Variants in DLGAP2 observed in about 807,000 individuals in gnomAD.
The protein encoded by DLGAP2 is DLG associated protein 2.
A neutral mutation model predicts 100.3 loss-of-function variants in DLGAP2; 26 were observed. The observed-to-expected ratio is 0.26, with a 90% CI of 0.19 to 0.36. The LOEUF (loss-of-function observed/expected upper bound fraction) is 0.36. DLGAP2 is among the 10% of genes least tolerant of loss of function. DLGAP2 has a pLI of 1.00. For missense variants in DLGAP2, 1,858 were observed against 1,453.2 expected (o/e 1.28, Z -4.53); for synonymous variants, 886 against 630.1 (o/e 1.41, Z -6.08).
chr8:1,160,315 A>G (rs1796865671), intron 2 of DLGAP2, among the ~76,000 whole-genome samples: 1 of 152,204 alleles, frequency 6.6e-6, no homozygotes, highest in South Asian at 2.1e-4. Context: ...GTGCCTGGTT[A>G]GCAGGGTCCT....
chr8:1,113,470 G>C (rs1805022948), intron 2 of DLGAP2, among the ~76,000 whole-genome samples: 1 of 152,140 alleles, frequency 6.6e-6, no homozygotes, highest in Non-Finnish European at 1.5e-5. Flanking sequence ...AGTTGTGAAT[G>C]TAATTACCTT....
intron 10 of DLGAP2, among the ~76,000 whole-genome samples, chr8:1,672,919 C>A (rs1430102124): frequency 1.3e-5 from 2 of 152,060 alleles, no homozygotes; most frequent in African/African-American, 2.4e-5. Context: ...CAGATTGGCA[C>A]CCTGGCCCAG....
chr8:1,318,120 TACACTCGAGACACTCGTCAGCG>T (rs1324719429), intron 3 of DLGAP2, among the ~76,000 whole-genome samples: 1 of 97,000 alleles, frequency 1.0e-5, no homozygotes, highest in African/African-American at 3.9e-5. Context: ...AACAGTGGTC[TACACTCGAGACACTCGTCAGCG>T]TTTAAAAATA....
chr8:819,885 G>A (rs569035810), intron 1 of DLGAP2, among the ~76,000 whole-genome samples: 40 of 152,272 alleles, frequency 2.6e-4, no homozygotes, highest in African/African-American at 9.1e-4. Context: ...ATTTCCATGC[G>A]AACCCTTTCC....
chr8:1,504,337 TTG>T (rs1175171159), intron 4 of DLGAP2, among the ~76,000 whole-genome samples: 2 of 152,206 alleles, frequency 1.3e-5, no homozygotes, highest in Admixed American at 6.5e-5. Flanking sequence ...CAGGTATACG[TTG>T]TGAGATAAGT....
intron 13 of DLGAP2, among the ~76,000 whole-genome samples, chr8:1,693,933 A>G (rs887977238): frequency 2.6e-5 from 4 of 152,174 alleles, no homozygotes; most frequent in Admixed American, 6.5e-5. Flanking sequence ...GATTCGGGCC[A>G]CTGACGAACT....
rs1185872669 is a variant in DLGAP2, at chr8:1,412,972, A to T, written c.107-88394A>T. The stretch of plus-strand genomic sequence containing the variant: ...GCTCAAGTGTCCCCTCCTCCGTAAA[A>T]CAGACTTGCCCTTCCTGACCACAGT... On this transcript the variant is annotated intron_variant, in intron 3 of 14. Coordinates refer to ENST00000637795, the MANE Select transcript of DLGAP2 (RefSeq NM_001346810.2). Among the ~76,000 whole-genome samples the T allele has an allele frequency of 2.6e-5, 4 of 151,572 alleles. No homozygotes were observed. In the East Asian group the frequency reaches 7.7e-4, roughly 29 times the overall value.
intron 4 of DLGAP2, among the ~76,000 whole-genome samples, chr8:1,505,177 G>C (rs1488822951): frequency 6.6e-6 from 1 of 152,160 alleles, no homozygotes; most frequent in African/African-American, 2.4e-5. Flanking sequence ...TGATTTTTAA[G>C]GGATCTTCCC....
chr8:1,438,889 C>G (rs985742910), intron 3 of DLGAP2, among the ~76,000 whole-genome samples: 1 of 152,202 alleles, frequency 6.6e-6, no homozygotes, highest in Non-Finnish European at 1.5e-5. Context: ...TATTCACCTT[C>G]TCCTTCATTT....
intron 2 of DLGAP2, among the ~76,000 whole-genome samples, chr8:1,087,356 C>G (rs917503649): frequency 1.3e-5 from 2 of 152,202 alleles, no homozygotes; most frequent in African/African-American, 4.8e-5. Context: ...CACTTGAAGT[C>G]TTTTCATTCT....
At chr8:1,623,618 G>A (rs562105382) in intron 6 of DLGAP2, among the ~76,000 whole-genome samples, 5 of 137,828 alleles carry the variant, frequency 3.6e-5, no homozygotes, top group African/African-American at 8.3e-5. Flanking sequence ...GTGCGATGAC[G>A]TGGCCCCAGT....
At chr8:1,319,794 G>A (rs1427070753) in intron 3 of DLGAP2, among the ~76,000 whole-genome samples, 1 of 152,184 alleles carries the variant, frequency 6.6e-6, no homozygotes, top group African/African-American at 2.4e-5. Context: ...AGGGGCCAGA[G>A]ACCGGAAGGA....
At chr8:1,118,388 C>T (rs755314905) in intron 2 of DLGAP2, among the ~76,000 whole-genome samples, 1 of 152,138 alleles carries the variant, frequency 6.6e-6, no homozygotes, top group African/African-American at 2.4e-5. Context: ...TGACTGAGGA[C>T]AGTGAAAAGA....
intron 2 of DLGAP2, among the ~76,000 whole-genome samples, chr8:1,252,005 G>T (rs777608445): frequency 6.6e-6 from 1 of 152,072 alleles, no homozygotes; most frequent in African/African-American, 2.4e-5. Context: ...TGTCACGTGG[G>T]TGTGTTGTGT....
At chr8:1,698,034 C>T (rs983368265) in intron 14 of DLGAP2, among the ~76,000 whole-genome samples, 1 of 152,216 alleles carries the variant, frequency 6.6e-6, no homozygotes, top group Admixed American at 6.5e-5. Flanking sequence ...AAAATCAAGT[C>T]AGCATCCTTT....
At chr8:1,617,786 A>C (rs114185063) in intron 6 of DLGAP2, among the ~76,000 whole-genome samples, 1,653 of 152,342 alleles carry the variant, frequency 0.011, 30 homozygotes, top group African/African-American at 0.038. Flanking sequence ...AACGCTATGC[A>C]TTACAGCCAA....
intron 1 of DLGAP2, among the ~76,000 whole-genome samples, chr8:857,154 T>C (rs1413183912): frequency 6.6e-6 from 1 of 152,182 alleles, no homozygotes; most frequent in Non-Finnish European, 1.5e-5. Flanking sequence ...TGTGGAGCAA[T>C]GGGACCTCCA....
At chr8:1,124,833 G>A (rs376025204) in intron 2 of DLGAP2, among the ~76,000 whole-genome samples, 41 of 152,286 alleles carry the variant, frequency 2.7e-4, no homozygotes, top group African/African-American at 9.6e-4. Flanking sequence ...CAGTCTGCAG[G>A]ATGGCTGAGT....
chr8:1,047,753 C>A (rs1424710531), intron 2 of DLGAP2, among the ~76,000 whole-genome samples: 1 of 152,074 alleles, frequency 6.6e-6, no homozygotes, highest in African/African-American at 2.4e-5. Flanking sequence ...CATGAGGGAT[C>A]AGCCTTCATG....
Sources: allele counts gnomAD v4.1 joint callset (sites outside exome capture counted in the v4.1 genomes callset), GRCh38; gene constraint gnomAD v4.1.1; transcripts MANE v1.5; gene names NCBI Gene and HGNC (gene_info 2026-07-23, HGNC 2026-07-21).